The following HHIPL1 variants were observed in gnomAD, a reference collection of about 807,000 sequenced individuals.
HHIPL1 encodes the protein HHIP like 1, also known as HHIP-like protein 1.
In HHIPL1, 43 loss-of-function variants were observed where a neutral mutation model predicts 61.8. The ratio of observed to expected loss-of-function variants is 0.70; its 90% CI spans 0.55 to 0.90. The LOEUF (loss-of-function observed/expected upper bound fraction) is 0.90, where lower values mean the gene tolerates loss of function less well. HHIPL1 is among the 40% of genes least tolerant of loss of function. The pLI, the probability that HHIPL1 is intolerant of heterozygous loss-of-function variation, is 0.00. For synonymous variants in HHIPL1, 482 were observed against 515.8 expected (o/e 0.93, Z 0.89); for missense variants, 1,056 against 1,157.7 (o/e 0.91, Z 1.28).
chr14:99,662,888 C>A lies in HHIPL1; in HGVS notation c.1515C>A (p.Ser505=). Reference sequence around the variant, plus strand: ...TCTTCCTTTGCAGGCGTCTGATGTCCCTCCAAGAGAACCCAGGGACAGGCC... The same window carrying A: ...TCTTCCTTTGCAGGCGTCTGATGTCACTCCAAGAGAACCCAGGGACAGGCC... ...FGDFMSGRLM[S]LQENPGTGQW... is the part of the protein sequence containing the mutation. The change falls in exon 6 of 9, where the codon TCC becomes TCA. Residue 505 remains serine (S), a synonymous_variant. Coordinates refer to ENST00000330710, the MANE Select transcript of HHIPL1 (RefSeq NM_001127258.3). 1 of 1,602,678 alleles carries A rather than the reference C, an allele frequency of 6.2e-7. No homozygotes were observed. The highest frequency in any genetic ancestry group is 8.5e-7 in the Non-Finnish European group (1 of 1,175,614).
In HHIPL1 at chr14:99,660,278, A is replaced by G. The variant is rs561651843; in HGVS notation, c.1376-2A>G. On this transcript the variant is annotated splice_acceptor_variant, in intron 4 of 8. Transcript: ENST00000330710. LOFTEE classifies it high-confidence loss of function. This position sits in a 1 kb window ranked among gnomAD's most constrained non-coding sequence, Gnocchi z 4.9. ...GAAGCTTCTCTCCCTCCCACCCCGC[A>G]GATGACTTGCTGCCGATTTTCGCCT... is the stretch of plus-strand genomic sequence containing the variant. The G allele has an allele frequency of 9.9e-6, 16 of 1,613,720 alleles. 2 individuals carry two copies. The South Asian group carries it at 1.6e-4, about 17-fold the overall frequency.
At chr14:99,629,363 G>A in the HHIPL1 span, among the ~76,000 whole-genome samples, 1 of 152,244 alleles carries the variant, frequency 6.6e-6, no homozygotes, top group African/African-American at 2.4e-5. Context: ...GAGTCTGCTG[G>A]CACAGGCATG....
At chr14:99,664,178 T>G (rs2056202501) in intron 6 of HHIPL1, among the ~76,000 whole-genome samples, 1 of 152,072 alleles carries the variant, frequency 6.6e-6, no homozygotes, top group Non-Finnish European at 1.5e-5. Context: ...CCCTAATGGA[T>G]GCTTATTGGG....
chr14:99,625,452 G>A, the HHIPL1 span: 1 of 152,246 alleles, frequency 6.6e-6, no homozygotes, highest in Non-Finnish European at 1.5e-5. Context: ...TTATTATTGT[G>A]GAGGGCTGTT....
the HHIPL1 span, among the ~76,000 whole-genome samples, chr14:99,637,244 GAAAGAAAGAAAGAAAGAAA>G: frequency 3.5e-5 from 5 of 143,990 alleles, no homozygotes; most frequent in African/African-American, 1.3e-4. Flanking sequence ...AAGAAAGAAA[GAAAGAAAGAAAGAAAGAAA>G]GAAAAAGTGT....
At chr14:99,672,202 T>C (rs2056332720) in intron 7 of HHIPL1, 115 bp from the exon 8 acceptor site, 1 of 757,356 alleles carries the variant, frequency 1.3e-6, no homozygotes, top group Non-Finnish European at 2.3e-6. Flanking sequence ...AGGTGCATGG[T>C]GAATGGCCGC....
intron 7 of HHIPL1, among the ~76,000 whole-genome samples, chr14:99,669,854 G>A (rs2056306737): frequency 6.6e-6 from 1 of 152,212 alleles, no homozygotes; most frequent in African/African-American, 2.4e-5. Flanking sequence ...GAACTCAGGA[G>A]GTCGAGGCTG....
chr14:99,669,079 C>T, intron 7 of HHIPL1: 1 of 1,435,598 alleles, frequency 7.0e-7, no homozygotes, highest in Non-Finnish European at 9.1e-7. Context: ...CTCCAGGCCT[C>T]TGTCCAGCCC....
chr14:99,629,701 C>T, the HHIPL1 span, among the ~76,000 whole-genome samples: 3 of 152,122 alleles, frequency 2.0e-5, no homozygotes, highest in Non-Finnish European at 2.9e-5. Flanking sequence ...CAAGGTTTCA[C>T]CATGTTGGCC....
the HHIPL1 span, among the ~76,000 whole-genome samples, chr14:99,637,187 T>TGGAAGAAA: frequency 0.035 from 1,155 of 33,224 alleles, 21 homozygotes; most frequent in East Asian, 0.068. Context: ...AAAGAAAGAA[T>TGGAAGAAA]GGAAGAAAGA....
chr14:99,653,002 T>C, intron 2 of HHIPL1, 132 bp downstream of exon 2: 2 of 902,036 alleles, frequency 2.2e-6, no homozygotes, highest in Non-Finnish European at 3.3e-6. Flanking sequence ...CTGAATTTCA[T>C]GCTTTGGGGC....
chr14:99,657,688 C>T (rs983378034), intron 3 of HHIPL1, among the ~76,000 whole-genome samples: 1 of 152,228 alleles, frequency 6.6e-6, no homozygotes, highest in East Asian at 1.9e-4. Context: ...ATTACACACA[C>T]ACACATACAC....
the HHIPL1 span, among the ~76,000 whole-genome samples, chr14:99,613,954 C>G: frequency 6.6e-6 from 1 of 151,962 alleles, no homozygotes; most frequent in Non-Finnish European, 1.5e-5. Flanking sequence ...TAGCATAGAG[C>G]CTGGGAACTC....
the HHIPL1 span, among the ~76,000 whole-genome samples, chr14:99,630,702 ACT>A: frequency 5.9e-5 from 9 of 151,594 alleles, no homozygotes; most frequent in African/African-American, 9.7e-5. Context: ...GGTCACACAG[ACT>A]CTGTTAGTTT....
intron 8 of HHIPL1, among the ~76,000 whole-genome samples, chr14:99,673,762 T>A (rs1424367683): frequency 1.8e-4 from 1 of 5,540 alleles, no homozygotes; most frequent in Non-Finnish European, 3.2e-4. Context: ...ACTGAGGGGG[T>A]GGCACGGAGG....
chr14:99,656,246 A>G (rs1363255227), intron 2 of HHIPL1, among the ~76,000 whole-genome samples: 1 of 152,240 alleles, frequency 6.6e-6, no homozygotes, highest in Non-Finnish European at 1.5e-5. Context: ...TAATCATAAC[A>G]GGGCAGGTGC....
the HHIPL1 span, among the ~76,000 whole-genome samples, chr14:99,631,823 T>C: frequency 1.3e-5 from 2 of 152,200 alleles, no homozygotes; most frequent in African/African-American, 4.8e-5. Context: ...GCCTTCCCTA[T>C]GGTCCAGAGA....
the HHIPL1 span, among the ~76,000 whole-genome samples, chr14:99,637,571 C>CAA: frequency 3.4e-5 from 4 of 118,484 alleles, no homozygotes; most frequent in African/African-American, 1.3e-4. Context: ...GACTCCGTCT[C>CAA]AAAAAAAAAA....
the HHIPL1 span, chr14:99,624,746 ACT>A: frequency 1.3e-5 from 2 of 151,836 alleles, no homozygotes; most frequent in Non-Finnish European, 2.9e-5. Context: ...GTGATTCTCT[ACT>A]CTCTTTTCCC....
Sources: allele counts gnomAD v4.1 joint callset (sites outside exome capture counted in the v4.1 genomes callset), GRCh38; gene constraint gnomAD v4.1.1; non-coding constraint Gnocchi (gnomAD v3.1); transcripts MANE v1.5; gene names NCBI Gene and HGNC (gene_info 2026-07-23, HGNC 2026-07-21).